ILRUN: variants seen among roughly 807,000 people sequenced by gnomAD.
ILRUN encodes the protein inflammation and lipid regulator with UBA-like and NBR1-like domains.
In ILRUN, 3 loss-of-function variants were observed where a neutral mutation model predicts 33.8. The observed-to-expected ratio is 0.09, with a 90% confidence interval of 0.04 to 0.23. The LOEUF (loss-of-function observed/expected upper bound fraction) is 0.23, where lower values mean the gene tolerates loss of function less well. Ranked by LOEUF, ILRUN falls within the 10% of genes least tolerant of loss-of-function variation. The pLI is 1.00. For synonymous variants in ILRUN, 124 were observed against 138.9 expected (o/e 0.89, Z 0.75); for missense variants, 210 against 375.1 (o/e 0.56, Z 3.64).
chr6:34,687,415 G>C (rs913041151), intron 1 of ILRUN, among the ~76,000 whole-genome samples: 21 of 152,086 alleles, frequency 1.4e-4, no homozygotes, highest in Non-Finnish European at 2.2e-4. Flanking sequence ...AAAAATATTG[G>C]CTGGGCGTGG....
intron 1 of ILRUN, among the ~76,000 whole-genome samples, chr6:34,690,189 G>T (rs1280145203): frequency 6.6e-6 from 1 of 152,110 alleles, no homozygotes; most frequent in African/African-American, 2.4e-5. Flanking sequence ...GGCCGGGCAT[G>T]GTGGCTCACA....
intron 1 of ILRUN, among the ~76,000 whole-genome samples, chr6:34,691,139 C>G (rs1014124755): frequency 1.3e-5 from 2 of 152,050 alleles, no homozygotes; most frequent in African/African-American, 4.8e-5. Context: ...CCGTCCGCCT[C>G]GGCCTCCCAA....
At chr6:34,630,491 C>T (rs1171999905) in intron 3 of ILRUN, among the ~76,000 whole-genome samples, 1 of 152,142 alleles carries the variant, frequency 6.6e-6, no homozygotes, top group Non-Finnish European at 1.5e-5. Flanking sequence ...TCAAACGATT[C>T]TCCTGTCTCA....
rs116932178 is a variant in ILRUN, at chr6:34,615,960, G to A, written c.512-9056C>T. Among the ~76,000 whole-genome samples, 31 of 152,320 alleles carry A rather than the reference G, an allele frequency of 2.0e-4. No individual in the cohort carries two copies. The East Asian group carries it at 5.2e-3, about 26-fold the overall frequency. On this transcript the variant is annotated intron_variant, in intron 3 of 4. Transcript: ENST00000374023. ...TAATCCCAGAGTCTGCTTTTGACCAGCAGTTGTAAAGAGAAACCACTTAAG... is the reference window on the plus strand; with the variant it reads ...TAATCCCAGAGTCTGCTTTTGACCAACAGTTGTAAAGAGAAACCACTTAAG...
At chr6:34,682,021 C>CTTTTTTTTTTTTTTTTTTTTTTTTTTT (rs1377020252) in intron 1 of ILRUN, among the ~76,000 whole-genome samples, 3 of 130,012 alleles carry the variant, frequency 2.3e-5, no homozygotes, top group Admixed American at 7.6e-5. Flanking sequence ...CCCACTAATT[C>CTTTTTTTTTTTTTTTTTTTTTTTTTTT]TTATATTTTT....
chr6:34,683,503 T>C (rs868268544), intron 1 of ILRUN, among the ~76,000 whole-genome samples: 24 of 95,258 alleles, frequency 2.5e-4, no homozygotes, highest in African/African-American at 1.0e-3. Context: ...TATATACATA[T>C]ATATATATAT....
intron 1 of ILRUN, among the ~76,000 whole-genome samples, chr6:34,669,230 C>A (rs1485192698): frequency 4.0e-5 from 6 of 151,582 alleles, no homozygotes; most frequent in African/African-American, 1.5e-4. Flanking sequence ...CTCGAGTGAT[C>A]CTCCTGCCTC....
At chr6:34,680,612 C>T (rs544501783) in intron 1 of ILRUN, among the ~76,000 whole-genome samples, 6 of 152,132 alleles carry the variant, frequency 3.9e-5, no homozygotes, top group African/African-American at 1.4e-4. Flanking sequence ...TTACAGGCAC[C>T]TGGCTAAATT....
At chr6:34,667,535 T>C (rs1763029816) in intron 1 of ILRUN, among the ~76,000 whole-genome samples, 1 of 152,190 alleles carries the variant, frequency 6.6e-6, no homozygotes, top group Non-Finnish European at 1.5e-5. Flanking sequence ...AGGAAGACTG[T>C]TGGGAAAACA....
intron 1 of ILRUN, among the ~76,000 whole-genome samples, chr6:34,680,315 A>AAC (rs1269208884): frequency 6.6e-6 from 1 of 152,210 alleles, no homozygotes; most frequent in Non-Finnish European, 1.5e-5. Context: ...GCACAAGTAC[A>AAC]ACACACACAC....
chr6:34,684,671 G>A (rs1763477702), intron 1 of ILRUN, among the ~76,000 whole-genome samples: 1 of 151,996 alleles, frequency 6.6e-6, no homozygotes, highest in South Asian at 2.1e-4. Flanking sequence ...GCTAAGAACA[G>A]GATCAGTATG....
chr6:34,599,608 A>T (rs1007924440), intron 4 of ILRUN, among the ~76,000 whole-genome samples: 1 of 152,202 alleles, frequency 6.6e-6, no homozygotes, highest in Non-Finnish European at 1.5e-5. Context: ...CAGTCAGCTA[A>T]GAAACCCTGA....
In ILRUN at chr6:34,642,981, GA is replaced by G. The variant is rs1157332978; in HGVS notation, c.511+3619del. ...GCACTCCAGCCTGGGTGACCAAGGA[GA>G]AAAAAAAAAAGGAAAGAATGAAAGA... On this transcript the variant is annotated intron_variant, in intron 3 of 4. Transcript: ENST00000374023. 7.7e-4 allele frequency among the ~76,000 whole-genome samples: 104 copies of G among 135,234 alleles called. No homozygotes were observed. The Middle Eastern group carries it at 0.013, about 17-fold the overall frequency. 88.7% of individuals were successfully genotyped at this position (135,234 alleles called of 152,430 possible).
At chr6:34,656,460 T>C (rs1762774001) in intron 1 of ILRUN, among the ~76,000 whole-genome samples, 1 of 152,110 alleles carries the variant, frequency 6.6e-6, no homozygotes, top group Admixed American at 6.6e-5. Context: ...CTGCGTTCAT[T>C]ACAGAGATCA....
rs140962880 is a variant in ILRUN, at chr6:34,587,856, CCT to C, written c.*2707_*2708del. On this transcript the variant is annotated 3_prime_UTR_variant, in exon 5 of 5. Transcript: ENST00000374023. ...GACAGATTCTTCCCAAGTCTGAACC[CCT>C]CTGTCTCCCCAACTGGGTTCAGACC... 75 of 393,500 alleles carry C rather than the reference CCT, an allele frequency of 1.9e-4. No individual in the cohort carries two copies. The East Asian group carries it at 2.3e-3, about 12-fold the overall frequency. 24.4% of individuals were successfully genotyped at this position (393,500 alleles called of 1,614,324 possible). A position where few individuals can be genotyped will look rare whatever the true frequency, so the allele number is the denominator to read the frequency against.
At chr6:34,648,884 G>C (rs1762608009) in intron 2 of ILRUN, among the ~76,000 whole-genome samples, 1 of 152,118 alleles carries the variant, frequency 6.6e-6, no homozygotes. Flanking sequence ...AAGTAAATAA[G>C]GTAAACCAAG....
chr6:34,610,243 TCTTGA>T (rs1266640886), intron 3 of ILRUN, among the ~76,000 whole-genome samples: 1 of 152,134 alleles, frequency 6.6e-6, no homozygotes, highest in African/African-American at 2.4e-5. Flanking sequence ...AAGTTAAACC[TCTTGA>T]CTTAACACCA....
At chr6:34,672,965 A>G (rs1208628369) in intron 1 of ILRUN, among the ~76,000 whole-genome samples, 2 of 152,240 alleles carry the variant, frequency 1.3e-5, no homozygotes, top group Non-Finnish European at 2.9e-5. Context: ...AAAGTTACCA[A>G]AAGTTTTCAG....
chr6:34,670,844 C>CAAAAAAAAA (rs201024054), intron 1 of ILRUN, among the ~76,000 whole-genome samples: 1 of 58,548 alleles, frequency 1.7e-5, no homozygotes, highest in Non-Finnish European at 3.6e-5. Flanking sequence ...GACCCTGTCT[C>CAAAAAAAAA]AAAAAAAAAA....
Sources: allele counts gnomAD v4.1 joint callset (sites outside exome capture counted in the v4.1 genomes callset), GRCh38; gene constraint gnomAD v4.1.1; transcripts MANE v1.5; gene names NCBI Gene and HGNC (gene_info 2026-07-23, HGNC 2026-07-21).